The following FGF10 variants were observed in gnomAD, a reference collection of about 807,000 sequenced individuals.
FGF10 encodes fibroblast growth factor 10.
Under a neutral mutation model 19.8 loss-of-function variants are expected in FGF10, and 2 were observed. That is an observed-to-expected ratio of 0.10 (90% CI 0.04 to 0.32). The LOEUF (loss-of-function observed/expected upper bound fraction) is 0.32. FGF10 is among the 10% of genes least tolerant of loss of function. FGF10 has a pLI of 1.00. For synonymous variants in FGF10, 112 were observed against 94.0 expected (o/e 1.19, Z -1.10); for missense variants, 191 against 246.3 (o/e 0.78, Z 1.50).
chr5:44,378,701 G>T (rs1044835614), intron 1 of FGF10, among the ~76,000 whole-genome samples: 2 of 152,144 alleles, frequency 1.3e-5, no homozygotes, highest in African/African-American at 4.8e-5. Context: ...AAAGTGCTGG[G>T]ATTACAGGGT....
intron 1 of FGF10, among the ~76,000 whole-genome samples, chr5:44,333,185 C>T (rs563757772): frequency 6.6e-6 from 1 of 152,102 alleles, no homozygotes; most frequent in East Asian, 1.9e-4. Flanking sequence ...ATATTAAAAT[C>T]AGTCTAGAGA....
intron 1 of FGF10, among the ~76,000 whole-genome samples, chr5:44,365,079 G>A (rs1741574311): frequency 1.3e-5 from 2 of 151,974 alleles, no homozygotes; most frequent in Admixed American, 1.3e-4. Context: ...ACTGTAAAAT[G>A]TCGGCATGGT....
chr5:44,317,032 C>T (rs1740367875), intron 1 of FGF10, among the ~76,000 whole-genome samples: 2 of 152,168 alleles, frequency 1.3e-5, no homozygotes, highest in South Asian at 4.1e-4. Context: ...CTTTATCCTT[C>T]ACCCTACACC....
intron 1 of FGF10, among the ~76,000 whole-genome samples, chr5:44,364,555 A>G (rs1210133784): frequency 1.3e-5 from 2 of 151,848 alleles, no homozygotes; most frequent in African/African-American, 4.8e-5. Context: ...CTGGTTCGAA[A>G]TAGTGCTGTG....
Position 44,300,478 on chromosome 5 carries a change from T to A in FGF10, c.*4517A>T, listed in dbSNP as rs1390433859. Among the ~76,000 whole-genome samples the A allele has an allele frequency of 6.6e-6, 1 of 152,150 alleles. No homozygotes were observed. The highest frequency in any genetic ancestry group is 6.6e-5 in the Admixed American group (1 of 15,240). On this transcript the variant is annotated 3_prime_UTR_variant, in exon 3 of 3. Transcript: ENST00000264664. ...AAAGTTTGCAAAACCACAGTGAGCC[T>A]AGCTATATCCAGGGCCCTACTCTTG...
intron 1 of FGF10, among the ~76,000 whole-genome samples, chr5:44,369,381 G>T (rs1561217042): frequency 1.3e-5 from 2 of 152,074 alleles, no homozygotes; most frequent in Non-Finnish European, 2.9e-5. Context: ...TTTGGAGGCT[G>T]GGCTGCAAAT....
intron 1 of FGF10, among the ~76,000 whole-genome samples, chr5:44,349,455 T>TCA (rs1208695607): frequency 1.1e-4 from 4 of 35,998 alleles, no homozygotes; most frequent in African/African-American, 4.0e-4. Context: ...TATATATATA[T>TCA]ATATATATAT....
At chr5:44,380,240 C>G (rs1741955819) in intron 1 of FGF10, among the ~76,000 whole-genome samples, 1 of 152,062 alleles carries the variant, frequency 6.6e-6, no homozygotes, top group African/African-American at 2.4e-5. Flanking sequence ...ATTAAAGTTA[C>G]TTAAAATTTG....
At chr5:44,308,960 G>A (rs1023328305) in intron 2 of FGF10, among the ~76,000 whole-genome samples, 4 of 152,086 alleles carry the variant, frequency 2.6e-5, no homozygotes, top group African/African-American at 9.7e-5. Context: ...CACTGATTCT[G>A]ATGCATACTC....
At chr5:44,332,623 G>A (rs1004888542) in intron 1 of FGF10, among the ~76,000 whole-genome samples, 5 of 152,088 alleles carry the variant, frequency 3.3e-5, no homozygotes, top group South Asian at 4.1e-4. Context: ...TTAAAATAGC[G>A]CTTCTCAAGC....
intron 1 of FGF10, among the ~76,000 whole-genome samples, chr5:44,312,808 T>G (rs1740243925): frequency 6.6e-6 from 1 of 152,042 alleles, no homozygotes; most frequent in Non-Finnish European, 1.5e-5. Context: ...GAAGGATGAT[T>G]TTAAGCAAAA....
chr5:44,318,671 T>A (rs1017936709), intron 1 of FGF10, among the ~76,000 whole-genome samples: 1 of 152,130 alleles, frequency 6.6e-6, no homozygotes, highest in East Asian at 1.9e-4. Flanking sequence ...ATATCCAGAA[T>A]GCAAAATAAT....
intron 1 of FGF10, among the ~76,000 whole-genome samples, chr5:44,387,229 T>C (rs17227543): frequency 1.4e-3 from 219 of 152,304 alleles, no homozygotes; most frequent in African/African-American, 5.0e-3. Context: ...AACAGAGTAA[T>C]CTGGGTTTGC....
intron 1 of FGF10, among the ~76,000 whole-genome samples, chr5:44,371,236 C>A (rs368136383): frequency 6.6e-6 from 1 of 152,082 alleles, no homozygotes; most frequent in African/African-American, 2.4e-5. Context: ...AACTACCACA[C>A]TCAGCCCCTT....
chr5:44,371,721 G>A (rs1741745747), intron 1 of FGF10, among the ~76,000 whole-genome samples: 3 of 152,172 alleles, frequency 2.0e-5, no homozygotes, highest in African/African-American at 7.2e-5. Context: ...TTAAAATAAC[G>A]TTTTAAAAGC....
intron 1 of FGF10, among the ~76,000 whole-genome samples, chr5:44,360,157 G>A (rs1259870438): frequency 2.0e-5 from 3 of 151,528 alleles, no homozygotes; most frequent in African/African-American, 4.8e-5. Flanking sequence ...AAATGCACTT[G>A]GAGAATTTTG....
chr5:44,368,003 T>G (rs2111875813), intron 1 of FGF10, among the ~76,000 whole-genome samples: 1 of 152,202 alleles, frequency 6.6e-6, no homozygotes, highest in Admixed American at 6.5e-5. Flanking sequence ...CAAGGATTTT[T>G]TTATAGTTAA....
rs141022133 is a variant in FGF10, at chr5:44,388,206, G to A, written c.325+152C>T. ...AGCACAATGTATACACGGGGGTTGG[G>A]GGGTGAATTAGTGTGAAAGTATTCC... On this transcript the variant is annotated intron_variant, in intron 1 of 2. Transcript: ENST00000264664. 774 of 777,684 alleles carry A rather than the reference G, an allele frequency of 1.0e-3. 8 individuals are homozygous for A. The South Asian group carries it at 0.01, about 10-fold the overall frequency. The allele number at this position is 777,684 out of a possible 1,614,324, so 48.2% of individuals were successfully genotyped here.
At chr5:44,341,377 T>A (rs894527756) in intron 1 of FGF10, among the ~76,000 whole-genome samples, 2 of 151,920 alleles carry the variant, frequency 1.3e-5, no homozygotes, top group African/African-American at 4.8e-5. Flanking sequence ...CTTCATTAGG[T>A]CATGTATCTG....
Sources: allele counts gnomAD v4.1 joint callset (sites outside exome capture counted in the v4.1 genomes callset), GRCh38; gene constraint gnomAD v4.1.1; transcripts MANE v1.5; gene names NCBI Gene and HGNC (gene_info 2026-07-23, HGNC 2026-07-21).